SSPN: variants seen among roughly 807,000 people sequenced by gnomAD.
SSPN encodes the protein sarcospan.
SSPN carries 15 observed loss-of-function variants against 19.1 expected under a neutral mutation model. The observed-to-expected ratio is 0.78, with a 90% CI of 0.52 to 1.21. The LOEUF (loss-of-function observed/expected upper bound fraction) is 1.21, where lower values mean the gene tolerates loss of function less well. Ranked by LOEUF, SSPN falls within the 50% of genes most tolerant of loss-of-function variation. SSPN has a pLI of 0.00. For missense variants in SSPN, 291 were observed against 314.0 expected (o/e 0.93, Z 0.55); for synonymous variants, 147 against 140.3 (o/e 1.05, Z -0.34).
At chr12:26,124,749 T>C (rs1296356756) in intron 1 of SSPN, 1 of 1,614,194 alleles carries the variant, frequency 6.2e-7, no homozygotes, top group South Asian at 1.1e-5. Context: ...AGTAACTGTC[T>C]CTCTTGCAAA....
intron 1 of SSPN, among the ~76,000 whole-genome samples, chr12:26,185,633 T>G (rs1352152957): frequency 6.6e-6 from 1 of 152,164 alleles, no homozygotes; most frequent in African/African-American, 2.4e-5. Flanking sequence ...TCTGAGATAA[T>G]GACCTGACCG....
chr12:26,217,717 A>G (rs1488340390), intron 1 of SSPN, among the ~76,000 whole-genome samples: 1 of 142,582 alleles, frequency 7.0e-6, no homozygotes, highest in Non-Finnish European at 1.5e-5. Flanking sequence ...TGGGTTTGTC[A>G]TAGATAGCTC....
At chr12:26,141,236 T>G (rs1048236552) in intron 1 of SSPN, among the ~76,000 whole-genome samples, 19 of 152,096 alleles carry the variant, frequency 1.2e-4, no homozygotes, top group Non-Finnish European at 8.8e-5. Flanking sequence ...GAGGTAACAA[T>G]GGAACAGCCA....
rs771667138 is a variant in SSPN at position 26,122,511 on chromosome 12, G to GCGCCTC, written c.-31+370_-31+375dup. 157 of 1,302,182 alleles carry GCGCCTC rather than the reference G, an allele frequency of 1.2e-4. No individual in the cohort carries two copies. The Admixed American group carries it at 1.4e-3, about 12-fold the overall frequency. 80.7% of individuals were successfully genotyped at this position (1,302,182 alleles called of 1,614,324 possible). ...GGCGGCCGCGGGCTGCGGGAAGGGCGCGCCTCCGCCTCCGCCGAACGCCAC... is the reference window on the plus strand; with the variant it reads ...GGCGGCCGCGGGCTGCGGGAAGGGCGCGCCTCCGCCTCCGCCTCCGCCGAACGCCAC... On this transcript the variant is annotated intron_variant, in intron 1 of 2. Transcript: ENST00000538142.
At chr12:26,123,709 C>T (rs1265563570) in intron 1 of SSPN, 1 of 1,613,978 alleles carries the variant, frequency 6.2e-7, no homozygotes, top group South Asian at 1.1e-5. Context: ...AAGTTAATTC[C>T]AAGACTACAG....
intron 1 of SSPN, among the ~76,000 whole-genome samples, chr12:26,128,839 A>T (rs1565667397): frequency 6.6e-6 from 1 of 152,108 alleles, no homozygotes; most frequent in South Asian, 2.1e-4. Flanking sequence ...TCTTTGGTTA[A>T]GTAAGGAAAT....
At chr12:26,130,819 T>C (rs1048728452) in intron 1 of SSPN, among the ~76,000 whole-genome samples, 2 of 151,962 alleles carry the variant, frequency 1.3e-5, no homozygotes, top group Admixed American at 1.3e-4. Flanking sequence ...GATCACCCCA[T>C]GGTCAGAAGA....
chr12:26,171,830 C>T (rs978710479), intron 1 of SSPN, among the ~76,000 whole-genome samples: 3 of 152,186 alleles, frequency 2.0e-5, no homozygotes, highest in East Asian at 3.9e-4. Flanking sequence ...GTTCCTAAAA[C>T]CTAACTTTTT....
rs1197595318 is a variant in SSPN, at chr12:26,167,301, C to T, written c.-31+45149C>T. Among the ~76,000 whole-genome samples, 14 of 151,726 alleles carry T rather than the reference C, an allele frequency of 9.2e-5. No individual in the cohort carries two copies. The East Asian group carries it at 2.1e-3, about 23-fold the overall frequency. On this transcript the variant is annotated intron_variant, in intron 1 of 2. Transcript: ENST00000538142. ...TTTTTCATCTCAATTTTATTTTTTT[C>T]CCTCTTGTGATGTTTATGCTACCTA...
At chr12:26,122,589 G>C (rs1944320446) in intron 1 of SSPN, 2 of 1,110,968 alleles carry the variant, frequency 1.8e-6, no homozygotes, top group South Asian at 8.5e-5. Context: ...CGCGGCGGCA[G>C]GGTCGGGCCC....
At chr12:26,141,213 A>G (rs1193358778) in intron 1 of SSPN, among the ~76,000 whole-genome samples, 4 of 152,204 alleles carry the variant, frequency 2.6e-5, no homozygotes, top group African/African-American at 7.2e-5. Flanking sequence ...GAGGCAGAAG[A>G]GAATTAGAGG....
At chr12:26,130,830 T>C (rs1262461816) in intron 1 of SSPN, among the ~76,000 whole-genome samples, 2 of 151,744 alleles carry the variant, frequency 1.3e-5, no homozygotes, top group Non-Finnish European at 2.9e-5. Context: ...GGTCAGAAGA[T>C]GGCTGCAGGA....
intron 1 of SSPN, among the ~76,000 whole-genome samples, chr12:26,176,191 C>T (rs1944682763): frequency 6.6e-6 from 1 of 152,160 alleles, no homozygotes; most frequent in Non-Finnish European, 1.5e-5. Context: ...TTTCTTTTAG[C>T]TCTCTCGGTT....
Position 26,146,593 on chromosome 12 carries a change from C to T in SSPN, c.-31+24441C>T, listed in dbSNP as rs775871192. The stretch of plus-strand genomic sequence containing the variant: ...TCAAACCTTGGCCTTCAGGCAAAGA[C>T]AGGCAGATCACTTGAGGCCAGGAGT... On this transcript the variant is annotated intron_variant, in intron 1 of 2. Coordinates refer to the SSPN transcript ENST00000538142. Among the ~76,000 whole-genome samples, 51 of 152,150 alleles carry T rather than the reference C, an allele frequency of 3.4e-4. 1 individual carries two copies. The highest frequency in any genetic ancestry group is 2.6e-4 in the Non-Finnish European group (18 of 68,028).
chr12:26,154,789 A>C (rs972976525), intron 1 of SSPN, among the ~76,000 whole-genome samples: 5 of 152,166 alleles, frequency 3.3e-5, no homozygotes, highest in African/African-American at 1.2e-4. Flanking sequence ...AATGCAGATT[A>C]AGGGGCAGAG....
Position 26,201,036 on chromosome 12 carries a change from T to TATATA in SSPN, c.279+5086_279+5090dup, listed in dbSNP as rs1565685496. Among the ~76,000 whole-genome samples, 46 of 61,122 alleles carry TATATA rather than the reference T, an allele frequency of 7.5e-4. 1 individual carries two copies. Among genetic ancestry groups the TATATA allele is most frequent in the African/African-American group, 2.8e-3 (46 of 16,146 alleles). The allele number at this position is 61,122 out of a possible 152,430, so 40.1% of individuals were successfully genotyped here. ...GTATATATATATATATATATATATA[T>TATATA]ATATATATATTATATATATATATTT... is the stretch of plus-strand genomic sequence containing the variant. On this transcript the variant is annotated intron_variant, in intron 1 of 2. Transcript: ENST00000242729.
At chr12:26,191,783 A>G (rs1316641461), upstream of SSPN, among the ~76,000 whole-genome samples, 1 of 152,108 alleles carries the variant, frequency 6.6e-6, no homozygotes, top group Admixed American at 6.5e-5. Flanking sequence ...AGCAAGGCAT[A>G]TGGGGGCAGT....
At chr12:26,219,894 T>C (rs1360305210) in intron 1 of SSPN, among the ~76,000 whole-genome samples, 6 of 152,152 alleles carry the variant, frequency 3.9e-5, no homozygotes, top group Non-Finnish European at 5.9e-5. Context: ...AAACCTTACA[T>C]AACTCCCCTT....
At chr12:26,174,206 C>T (rs1565678274) in intron 1 of SSPN, among the ~76,000 whole-genome samples, 1 of 152,186 alleles carries the variant, frequency 6.6e-6, no homozygotes, top group South Asian at 2.1e-4. Flanking sequence ...GTCAAACTCA[C>T]ACTTTCAAGG....
Sources: gnomAD v4.1 joint callset for allele counts (sites outside exome capture counted in the v4.1 genomes callset) on GRCh38, gnomAD v4.1.1 for gene constraint, MANE v1.5 for transcripts, NCBI Gene and HGNC (gene_info 2026-07-23, HGNC 2026-07-21) for gene names.